The following CNTNAP2 variants were observed in gnomAD, a reference collection of about 807,000 sequenced individuals.
The protein encoded by CNTNAP2 is contactin associated protein 2.
In CNTNAP2, 98 loss-of-function variants were observed where a neutral mutation model predicts 155.2. That is an observed-to-expected ratio of 0.63 (90% CI 0.54 to 0.75). CNTNAP2 has a LOEUF of 0.75. CNTNAP2 is among the 30% of genes least tolerant of loss of function. CNTNAP2 has a pLI of 0.00. For synonymous variants in CNTNAP2, 651 were observed against 631.2 expected, an observed-to-expected ratio of 1.03 and a Z score of -0.47; for missense variants, 1,727 against 1,688.1, an observed-to-expected ratio of 1.02 and a Z score of -0.40.
chr7:148,262,009 T>C (rs565401828), intron 20 of CNTNAP2, among the ~76,000 whole-genome samples: 2 of 152,318 alleles, frequency 1.3e-5, no homozygotes, highest in South Asian at 4.1e-4. Flanking sequence ...AGAGCTTATA[T>C]TGAAGGGTGC....
intron 1 of CNTNAP2, among the ~76,000 whole-genome samples, chr7:146,361,233 A>G (rs1479261026): frequency 6.6e-6 from 1 of 152,192 alleles, no homozygotes; most frequent in Non-Finnish European, 1.5e-5. Flanking sequence ...TTTCGACTAA[A>G]TGCCATTTGG....
chr7:147,783,918 G>A (rs140545153), intron 13 of CNTNAP2, among the ~76,000 whole-genome samples: 1 of 152,242 alleles, frequency 6.6e-6, no homozygotes, highest in East Asian at 1.9e-4. Flanking sequence ...TAGTTTGCAA[G>A]CCACCCAGTT....
In CNTNAP2 at chr7:147,661,842, C is replaced by G. The variant is rs138243349; in HGVS notation, c.2098+22536C>G. Among the ~76,000 whole-genome samples, 6 of 152,244 alleles carry G rather than the reference C, an allele frequency of 3.9e-5. No individual in the cohort carries two copies. In the East Asian group the frequency reaches 1.2e-3, roughly 29 times the overall value. On this transcript the variant is annotated intron_variant, in intron 13 of 23. Coordinates refer to ENST00000361727, the MANE Select transcript of CNTNAP2 (RefSeq NM_014141.6). ...CTGGGATTATAGGCGTGAGCCACGG[C>G]GCCTGGCCCATTGCTTCTTGATATA...
intron 15 of CNTNAP2, among the ~76,000 whole-genome samples, chr7:148,024,479 A>G (rs1233257065): frequency 3.9e-5 from 6 of 152,150 alleles, no homozygotes; most frequent in Non-Finnish European, 5.9e-5. Flanking sequence ...CATTATTACT[A>G]TCTGAATAAA....
In CNTNAP2 at chr7:147,033,178, A is replaced by ATATATG. The variant is rs1554427687; in HGVS notation, c.403-10724_403-10723insGTATAT. ...TATATATGTATATATATATATATAT[A>ATATATG]TATATATATATATATATATATATAT... On this transcript the variant is annotated intron_variant, in intron 3 of 23. Coordinates refer to ENST00000361727, the MANE Select transcript of CNTNAP2 (RefSeq NM_014141.6). 2.0e-4 allele frequency among the ~76,000 whole-genome samples: 11 copies of ATATATG among 54,900 alleles called. 1 individual carries two copies. The highest frequency in any genetic ancestry group is 5.5e-4 in the African/African-American group (8 of 14,566). 36.0% of individuals were successfully genotyped at this position (54,900 alleles called of 152,430 possible).
chr7:146,962,098 T>A (rs1005508852), intron 3 of CNTNAP2, among the ~76,000 whole-genome samples: 3 of 151,528 alleles, frequency 2.0e-5, no homozygotes, highest in Non-Finnish European at 2.9e-5. Context: ...TTGTTGTTCA[T>A]TCAGTATAAT....
chr7:148,247,903 C>T lies in CNTNAP2; in HGVS notation c.3381+18124C>T, dbSNP rs185325211. On this transcript the variant is annotated intron_variant, in intron 20 of 23. Coordinates refer to ENST00000361727, the MANE Select transcript of CNTNAP2 (RefSeq NM_014141.6). ...CCCTGACCTCAAGCAATCTGCCCACCTCAGCCTCCCAAAGTGCTGGGATTA... is the reference window on the plus strand; with the variant it reads ...CCCTGACCTCAAGCAATCTGCCCACTTCAGCCTCCCAAAGTGCTGGGATTA... Among the ~76,000 whole-genome samples, 151 of 152,158 alleles carry T rather than the reference C, an allele frequency of 9.9e-4. 2 individuals are homozygous for T. The Middle Eastern group carries it at 0.02, about 21-fold the overall frequency.
intron 9 of CNTNAP2, among the ~76,000 whole-genome samples, chr7:147,383,135 T>C (rs1356219739): frequency 6.6e-6 from 1 of 152,140 alleles, no homozygotes; most frequent in Non-Finnish European, 1.5e-5. Context: ...CCTTTAGGTC[T>C]TGGTGTCAGT....
intron 3 of CNTNAP2, among the ~76,000 whole-genome samples, chr7:146,866,913 A>G (rs1795215881): frequency 6.6e-6 from 1 of 152,126 alleles, no homozygotes. Flanking sequence ...TCTTTCTTCT[A>G]AAACATTGTA....
At chr7:147,414,849 G>A (rs1369437704) in intron 10 of CNTNAP2, among the ~76,000 whole-genome samples, 11 of 146,818 alleles carry the variant, frequency 7.5e-5, no homozygotes, top group Admixed American at 4.9e-4. Flanking sequence ...GCTGAGGCAG[G>A]AGAATGGCGT....
chr7:148,330,874 T>G (rs1233223927), intron 21 of CNTNAP2, among the ~76,000 whole-genome samples: 1 of 128,646 alleles, frequency 7.8e-6, no homozygotes, highest in Non-Finnish European at 1.6e-5. Flanking sequence ...ACGGATGGAG[T>G]GGCTGGATGG....
Position 147,295,323 on chromosome 7 carries a change from ACT to A in CNTNAP2, c.1349-4815_1349-4814del, listed in dbSNP as rs575402575. On this transcript the variant is annotated intron_variant, in intron 8 of 23. Coordinates refer to ENST00000361727, the MANE Select transcript of CNTNAP2 (RefSeq NM_014141.6). ...GTGTGTGTTTGCATAGTATAAGAAAACTCTGATCATGGATGCACAGGGTCTAT... is the reference window on the plus strand; with the variant it reads ...GTGTGTGTTTGCATAGTATAAGAAAACTGATCATGGATGCACAGGGTCTAT... Among the ~76,000 whole-genome samples, 153 of 151,158 alleles carry A rather than the reference ACT, an allele frequency of 1.0e-3. 1 individual carries two copies. Among genetic ancestry groups the A allele is most frequent in the Non-Finnish European group, 9.9e-4 (67 of 67,768 alleles).
At chr7:147,056,413 A>C (rs1799562212) in intron 4 of CNTNAP2, among the ~76,000 whole-genome samples, 1 of 152,198 alleles carries the variant, frequency 6.6e-6, no homozygotes, top group African/African-American at 2.4e-5. Flanking sequence ...GCACTTCCAT[A>C]GAAAATATAA....
intron 1 of CNTNAP2, among the ~76,000 whole-genome samples, chr7:146,373,399 A>AACATATACAC (rs1449483896): frequency 4.6e-5 from 6 of 131,092 alleles, no homozygotes; most frequent in African/African-American, 2.6e-4. Flanking sequence ...AAAGGAACTT[A>AACATATACAC]ACACATACAC....
At chr7:147,770,471 A>G (rs1797452800) in intron 13 of CNTNAP2, among the ~76,000 whole-genome samples, 1 of 152,178 alleles carries the variant, frequency 6.6e-6, no homozygotes, top group South Asian at 2.1e-4. Context: ...ATATGCGCTA[A>G]TGGCGATAAA....
At chr7:146,839,339 A>G (rs1045287472) in intron 2 of CNTNAP2, among the ~76,000 whole-genome samples, 2 of 152,204 alleles carry the variant, frequency 1.3e-5, no homozygotes, top group African/African-American at 2.4e-5. Flanking sequence ...TAAAGTTTAC[A>G]TGACAGAAAA....
intron 13 of CNTNAP2, among the ~76,000 whole-genome samples, chr7:147,723,692 A>G (rs763257991): frequency 1.3e-5 from 2 of 152,040 alleles, no homozygotes; most frequent in Admixed American, 6.6e-5. Context: ...TCATATCACA[A>G]GCATTTTGGT....
At chr7:146,289,018 C>T (rs1800385663) in intron 1 of CNTNAP2, among the ~76,000 whole-genome samples, 2 of 151,104 alleles carry the variant, frequency 1.3e-5, no homozygotes, top group East Asian at 2.0e-4. Context: ...TGGCCAGGCT[C>T]GTCTGGAACT....
chr7:147,053,340 GT>G (rs1052027182), intron 4 of CNTNAP2, among the ~76,000 whole-genome samples: 5 of 151,582 alleles, frequency 3.3e-5, no homozygotes, highest in Admixed American at 2.6e-4. Context: ...GTATTTAATT[GT>G]TTTTTTTCTA....
Sources: allele counts gnomAD v4.1 joint callset (sites outside exome capture counted in the v4.1 genomes callset), GRCh38; gene constraint gnomAD v4.1.1; transcripts MANE v1.5; gene names NCBI Gene and HGNC (gene_info 2026-07-23, HGNC 2026-07-21).